TNFSF13B: variants seen among roughly 807,000 people sequenced by gnomAD.
TNFSF13B encodes the protein tumor necrosis factor ligand superfamily member 13B.
Under a neutral mutation model 29.1 loss-of-function variants are expected in TNFSF13B, and 8 were observed. The observed-to-expected ratio is 0.27, with a 90% confidence interval of 0.16 to 0.50. The LOEUF (loss-of-function observed/expected upper bound fraction) is 0.50. TNFSF13B is among the 20% of genes least tolerant of loss of function. The pLI is 0.98. For synonymous variants in TNFSF13B, 125 were observed against 130.8 expected (o/e 0.96, Z 0.30); for missense variants, 248 against 334.9 (o/e 0.74, Z 2.03).
chr13:108,296,902 T>C lies in TNFSF13B; in HGVS notation c.482-6351T>C, dbSNP rs1045552157. 5.5e-5 allele frequency among the ~76,000 whole-genome samples: 8 copies of C among 145,794 alleles called. 1 individual carries two copies. The highest frequency in any genetic ancestry group is 2.1e-4 in the African/African-American group (8 of 39,022). On this transcript the variant is annotated intron_variant, in intron 3 of 5. Transcript: ENST00000375887. ...TTGTCACAAAATATACGCTTATACA[T>C]TGTAAGCCCTTAACATAAATTAATA...
rs200640236 is a variant in TNFSF13B, at chr13:108,286,700, AATTG to A, written c.425-99_425-96del. 2.5e-3 allele frequency: 1,557 copies of A among 620,762 alleles called. 18 individuals are homozygous for A. The African/African-American group carries it at 0.026, about 11-fold the overall frequency. 38.5% of individuals were successfully genotyped at this position (620,762 alleles called of 1,614,324 possible). Reference sequence around the variant, plus strand: ...GTCATGCAATCAATGTAAAAAGTATAATTGATTTAGTGTTTCTGGAAGAGTGGGT... The same window carrying A: ...GTCATGCAATCAATGTAAAAAGTATAATTTAGTGTTTCTGGAAGAGTGGGT... On this transcript the variant is annotated intron_variant, in intron 2 of 5. Coordinates refer to ENST00000375887, the MANE Select transcript of TNFSF13B (RefSeq NM_006573.5).
At chr13:108,299,957 C>G (rs530897396) in intron 3 of TNFSF13B, among the ~76,000 whole-genome samples, 1 of 152,080 alleles carries the variant, frequency 6.6e-6, no homozygotes, top group South Asian at 2.1e-4. Flanking sequence ...TGACAATGCA[C>G]CAGTGACATT....
intron 2 of TNFSF13B, among the ~76,000 whole-genome samples, chr13:108,273,779 A>G (rs565204906): frequency 6.6e-6 from 1 of 152,298 alleles, no homozygotes; most frequent in East Asian, 1.9e-4. Flanking sequence ...TGAGACCTAT[A>G]GAAAATGCGA....
At chr13:108,287,479 A>C (rs1045047576) in intron 3 of TNFSF13B, among the ~76,000 whole-genome samples, 4 of 152,210 alleles carry the variant, frequency 2.6e-5, no homozygotes, top group Non-Finnish European at 4.4e-5. Flanking sequence ...CAAAGTAATA[A>C]TCTAATAAGG....
At chr13:108,270,317 A>G (rs1030082402) in intron 1 of TNFSF13B, 23 bp from the exon 2 acceptor site, 2 of 1,613,950 alleles carry the variant, frequency 1.2e-6, no homozygotes, top group African/African-American at 1.3e-5. Flanking sequence ...CTTTCTAATA[A>G]CTTGAAGTTT....
Position 108,303,385 on chromosome 13 carries a change from C to T in TNFSF13B, c.594+20C>T, listed in dbSNP as rs750470054. The T allele has an allele frequency of 9.9e-6, 16 of 1,609,284 alleles. 1 individual carries two copies. In the South Asian group the frequency reaches 1.7e-4, roughly 17 times the overall value. ...GGTCAGGTAGGTTGAAACCCTAATT[C>T]TGGTTTTACTGTTCAAAGCCTCCCA... is the stretch of plus-strand genomic sequence containing the variant. On this transcript the variant is annotated intron_variant, in intron 4 of 5. Transcript: ENST00000375887.
In TNFSF13B at chr13:108,307,903, G is replaced by A. The variant is rs1881825180; in HGVS notation, c.*965G>A. 6.6e-6 allele frequency: 1 copy of A among 151,932 alleles called. No homozygotes were observed. Among genetic ancestry groups the A allele is most frequent in the East Asian group, 1.9e-4 (1 of 5,196 alleles). The allele number at this position is 151,932 out of a possible 1,614,324, so 9.4% of individuals were successfully genotyped here. ...TTATTAGCTTTATATTCACTTTATA[G>A]AAGTTGAGTTTTAATTAAAATTCTT... On this transcript the variant is annotated 3_prime_UTR_variant, in exon 6 of 6. Coordinates refer to ENST00000375887, the MANE Select transcript of TNFSF13B (RefSeq NM_006573.5).
intron 3 of TNFSF13B, among the ~76,000 whole-genome samples, chr13:108,296,429 G>T (rs1881461052): frequency 6.9e-6 from 1 of 145,298 alleles, no homozygotes; most frequent in African/African-American, 2.6e-5. Context: ...TATTTGCAAG[G>T]AGGCATATTT....
At chr13:108,305,869 T>G (rs1881761010) in intron 5 of TNFSF13B, among the ~76,000 whole-genome samples, 1 of 152,130 alleles carries the variant, frequency 6.6e-6, no homozygotes, top group South Asian at 2.1e-4. Context: ...GCTTTGGGCT[T>G]TAGGTTAGAA....
chr13:108,287,708 C>T (rs1001067408), intron 3 of TNFSF13B, among the ~76,000 whole-genome samples: 2 of 152,014 alleles, frequency 1.3e-5, no homozygotes, highest in Non-Finnish European at 2.9e-5. Context: ...TATTAAAAAT[C>T]TGTATTTTTA....
intron 2 of TNFSF13B, among the ~76,000 whole-genome samples, chr13:108,282,734 A>C (rs1417546602): frequency 6.6e-6 from 1 of 152,198 alleles, no homozygotes; most frequent in East Asian, 1.9e-4. Flanking sequence ...TTATAAGATT[A>C]TGTATTTTAC....
chr13:108,293,951 C>T (rs117511770), intron 3 of TNFSF13B, among the ~76,000 whole-genome samples: 5,151 of 152,258 alleles, frequency 0.034, 135 homozygotes, highest in Non-Finnish European at 0.052. Context: ...GGCACCACCC[C>T]CTAATACCAT....
intron 2 of TNFSF13B, among the ~76,000 whole-genome samples, chr13:108,282,688 T>C (rs536931098): frequency 1.3e-5 from 2 of 152,320 alleles, no homozygotes; most frequent in South Asian, 4.1e-4. Flanking sequence ...AAGTTTATTA[T>C]GATGAGTAAA....
chr13:108,287,833 G>A (rs1290501404), intron 3 of TNFSF13B, among the ~76,000 whole-genome samples: 1 of 152,056 alleles, frequency 6.6e-6, no homozygotes, highest in Non-Finnish European at 1.5e-5. Context: ...TTTTAGACAA[G>A]TTAAGTGTTT....
In TNFSF13B at chr13:108,282,963, AT is replaced by A. The variant is rs541853184; in HGVS notation, c.425-3839del. 7.2e-5 allele frequency among the ~76,000 whole-genome samples: 11 copies of A among 152,352 alleles called. No individual in the cohort carries two copies. In the South Asian group the frequency reaches 2.3e-3, roughly 32 times the overall value. On this transcript the variant is annotated intron_variant, in intron 2 of 5. Transcript: ENST00000375887. ...GAGAACCAAACAATAATCAATTAAT[AT>A]GATAATTACTATCAAATTGTGTTTC...
rs150907941 is a variant in TNFSF13B at position 108,286,003 on chromosome 13, A to T, written c.425-800A>T. 1.6e-4 allele frequency among the ~76,000 whole-genome samples: 25 copies of T among 152,374 alleles called. No individual in the cohort carries two copies. The East Asian group carries it at 4.8e-3, about 29-fold the overall frequency. On this transcript the variant is annotated intron_variant, in intron 2 of 5. Transcript: ENST00000375887. The stretch of plus-strand genomic sequence containing the variant: ...ATTTAGTTTCTTAAATATTGACTGG[A>T]ATATTCTACATGTAATATGTGATGT...
intron 2 of TNFSF13B, among the ~76,000 whole-genome samples, chr13:108,281,841 A>G (rs1431440875): frequency 6.6e-6 from 1 of 152,174 alleles, no homozygotes; most frequent in Non-Finnish European, 1.5e-5. Flanking sequence ...TGAAAATGTT[A>G]ATTCAATACC....
chr13:108,295,280 T>G (rs1881432972), intron 3 of TNFSF13B, among the ~76,000 whole-genome samples: 2 of 145,594 alleles, frequency 1.4e-5, no homozygotes. Context: ...GTTCAGGCGA[T>G]TCTCCTGCCT....
At chr13:108,272,939 C>T (rs1313193872) in intron 2 of TNFSF13B, among the ~76,000 whole-genome samples, 3 of 151,928 alleles carry the variant, frequency 2.0e-5, no homozygotes, top group African/African-American at 7.2e-5. Context: ...CTTCTTGGGT[C>T]ACATTTTCCC....
Sources: gnomAD v4.1 joint callset for allele counts (sites outside exome capture counted in the v4.1 genomes callset) on GRCh38, gnomAD v4.1.1 for gene constraint, MANE v1.5 for transcripts, NCBI Gene and HGNC (gene_info 2026-07-23, HGNC 2026-07-21) for gene names.